Variants in JPH3 observed in about 807,000 individuals in gnomAD.
The protein encoded by JPH3 is junctophilin-3.
In JPH3, 11 loss-of-function variants were observed where a neutral mutation model predicts 59.6. The ratio of observed to expected loss-of-function variants is 0.18; its 90% confidence interval spans 0.12 to 0.31. The LOEUF is 0.31. JPH3 is among the 10% of genes least tolerant of loss of function. The probability of loss-of-function intolerance (pLI) is 1.00; values close to 1 mark genes in which losing one functional copy is unlikely to be tolerated. For missense variants in JPH3, 1,202 were observed against 1,105.7 expected, an observed-to-expected ratio of 1.09 and a Z score of -1.24; for synonymous variants, 673 against 483.6, an observed-to-expected ratio of 1.39 and a Z score of -5.14.
At chr16:87,642,280 G>T (rs971354058) in intron 1 of JPH3, among the ~76,000 whole-genome samples, 1 of 152,004 alleles carries the variant, frequency 6.6e-6, no homozygotes, top group East Asian at 1.9e-4. Flanking sequence ...GGGCTGCTTC[G>T]CTCCGAGAGA....
At chr16:87,681,722 C>T (rs1445858483) in intron 2 of JPH3, among the ~76,000 whole-genome samples, 3 of 152,108 alleles carry the variant, frequency 2.0e-5, no homozygotes, top group Admixed American at 1.3e-4. Context: ...AGGTCAAGTG[C>T]ATGTGGTCAT....
rs764055221 is a variant in JPH3 at position 87,677,185 on chromosome 16, T to TACAC, written c.1161-6919_1161-6916dup. 4.4e-4 allele frequency among the ~76,000 whole-genome samples: 42 copies of TACAC among 95,178 alleles called. 1 individual carries two copies. The highest frequency in any genetic ancestry group is 1.7e-3 in the African/African-American group (36 of 21,184). The allele number at this position is 95,178 out of a possible 152,430, so 62.4% of individuals were successfully genotyped here. ...CACACACACACGCACTATATATATATACACACACACACACACACACACACA... is the reference window on the plus strand; with the variant it reads ...CACACACACACGCACTATATATATATACACACACACACACACACACACACACACA... On this transcript the variant is annotated intron_variant, in intron 2 of 4. Coordinates refer to ENST00000284262, the MANE Select transcript of JPH3 (RefSeq NM_020655.4).
chr16:87,665,237 G>A (rs896485401), intron 2 of JPH3, among the ~76,000 whole-genome samples: 1 of 152,176 alleles, frequency 6.6e-6, no homozygotes, highest in Non-Finnish European at 1.5e-5. Context: ...CCCCTGAGCC[G>A]ATTGGCTGCC....
chr16:87,685,528 C>A (rs759118864), intron 3 of JPH3, among the ~76,000 whole-genome samples: 8 of 152,250 alleles, frequency 5.3e-5, no homozygotes, highest in Non-Finnish European at 8.8e-5. Flanking sequence ...GGGGCGCACA[C>A]TTGGGGGCAC....
intron 1 of JPH3, among the ~76,000 whole-genome samples, chr16:87,629,745 A>G (rs973574987): frequency 2.0e-5 from 3 of 152,162 alleles, no homozygotes; most frequent in African/African-American, 7.2e-5. Context: ...TACTACTCTG[A>G]GATACTCTAA....
chr16:87,671,653 C>T (rs1044303416), intron 2 of JPH3, among the ~76,000 whole-genome samples: 1 of 106,142 alleles, frequency 9.4e-6, no homozygotes, highest in Non-Finnish European at 2.1e-5. Flanking sequence ...AGGCCACCTG[C>T]ACCGGCTCAG....
chr16:87,682,747 G>A (rs1244575790), intron 2 of JPH3, among the ~76,000 whole-genome samples: 1 of 152,232 alleles, frequency 6.6e-6, no homozygotes, highest in Admixed American at 6.5e-5. Context: ...CAGGGAGTCT[G>A]CTCGGAGGGG....
In JPH3 at chr16:87,663,115, C is replaced by CTTTTT. The variant is rs60196379; in HGVS notation, c.1160+18087_1160+18091dup. ...GTATTGTTTCAAGGTTAATTTCTTT[C>CTTTTT]TTTTTTTTTTTGAGATGGAGTCGCG... On this transcript the variant is annotated intron_variant, in intron 2 of 4. Coordinates refer to ENST00000284262, the MANE Select transcript of JPH3 (RefSeq NM_020655.4). Among the ~76,000 whole-genome samples the CTTTTT allele has an allele frequency of 4.0e-3, 567 of 143,464 alleles. 11 individuals are homozygous for CTTTTT. Among genetic ancestry groups the CTTTTT allele is most frequent in the African/African-American group, 0.013 (486 of 37,860 alleles). The allele number at this position is 143,464 out of a possible 152,430, so 94.1% of individuals were successfully genotyped here.
intron 4 of JPH3, among the ~76,000 whole-genome samples, chr16:87,692,196 T>G (rs1179570340): frequency 6.6e-6 from 1 of 151,964 alleles, no homozygotes; most frequent in Non-Finnish European, 1.5e-5. Context: ...GCAAACAAGG[T>G]TTCCCTCCCT....
chr16:87,656,875 C>G (rs1327730571), intron 2 of JPH3, among the ~76,000 whole-genome samples: 1 of 152,146 alleles, frequency 6.6e-6, no homozygotes, highest in Admixed American at 6.5e-5. Context: ...CTGTGGTGTT[C>G]CGACAGGGGA....
At chr16:87,653,965 G>C (rs2032409361) in intron 2 of JPH3, 1 of 152,268 alleles carries the variant, frequency 6.6e-6, no homozygotes. Context: ...CATCTCTGCA[G>C]GCAACAGAAT....
At chr16:87,631,839 A>G (rs138095794) in intron 1 of JPH3, among the ~76,000 whole-genome samples, 71 of 152,108 alleles carry the variant, frequency 4.7e-4, no homozygotes, top group African/African-American at 1.7e-3. Context: ...TCTTTTAGCT[A>G]TTATACTTTT....
chr16:87,623,180 C>T (rs1260205178), intron 1 of JPH3, among the ~76,000 whole-genome samples: 2 of 152,244 alleles, frequency 1.3e-5, no homozygotes, highest in Non-Finnish European at 2.9e-5. Context: ...TCCTGGTCTC[C>T]TGGGAGCTGT....
intron 2 of JPH3, among the ~76,000 whole-genome samples, chr16:87,656,079 G>C (rs1419056964): frequency 6.6e-6 from 1 of 152,218 alleles, no homozygotes; most frequent in Non-Finnish European, 1.5e-5. Flanking sequence ...TAACCGATCG[G>C]GGTGCATGGC....
chr16:87,640,684 C>G (rs904977916), intron 1 of JPH3, among the ~76,000 whole-genome samples: 3 of 152,198 alleles, frequency 2.0e-5, no homozygotes, highest in Non-Finnish European at 4.4e-5. Context: ...TGAGCCACCC[C>G]ACCCAGCCAA....
chr16:87,697,026 C>G lies in JPH3; in HGVS notation c.*366C>G. The G allele has an allele frequency of 3.4e-6, 1 of 297,724 alleles. No homozygotes were observed. The highest frequency in any genetic ancestry group is 6.5e-6 in the Non-Finnish European group (1 of 152,954). 18.4% of individuals were successfully genotyped at this position (297,724 alleles called of 1,614,324 possible). A position where few individuals can be genotyped will look rare whatever the true frequency, so the allele number is the denominator to read the frequency against. ...TCTTGGGTGTGGATGGAGGGCAGCCCGGGGCAGAGCCTCAGCCCCGCGGCC... is the reference window on the plus strand; with the variant it reads ...TCTTGGGTGTGGATGGAGGGCAGCCGGGGGCAGAGCCTCAGCCCCGCGGCC... On this transcript the variant is annotated 3_prime_UTR_variant, in exon 5 of 5. Transcript: ENST00000284262.
chr16:87,611,198 A>G lies in JPH3; in HGVS notation c.382+7670A>G, dbSNP rs1215399327. Among the ~76,000 whole-genome samples the G allele has an allele frequency of 6.6e-6, 1 of 152,254 alleles. No homozygotes were observed. Among genetic ancestry groups the G allele is most frequent in the East Asian group, 1.9e-4 (1 of 5,200 alleles). On this transcript the variant is annotated intron_variant, in intron 1 of 4. Coordinates refer to ENST00000284262, the MANE Select transcript of JPH3 (RefSeq NM_020655.4). The surrounding 1 kb of genome is among the most constrained non-coding windows in gnomAD (Gnocchi z 4.5). ...GGAAGAATAAGGAGTCTGAACAGGG[A>G]TGCAAAACCGAGATATATGGAATAA...
chr16:87,619,633 G>A (rs1034386617), intron 1 of JPH3, among the ~76,000 whole-genome samples: 16 of 152,158 alleles, frequency 1.1e-4, no homozygotes, highest in African/African-American at 3.1e-4. Flanking sequence ...TACCAGCTCC[G>A]GTCCTCGGAC....
Position 87,690,271 on chromosome 16 carries a change from G to A in JPH3, c.1911G>A (p.Arg637=), listed in dbSNP as rs556010482. The change falls in exon 4 of 5, where the codon CGG becomes CGA. Residue 637 remains arginine (R), a synonymous_variant. Transcript: ENST00000284262. ...KRRYSKGGAC[R]GLGDDHRPED... ...GCTACAGCAAGGGCGGCGCCTGCCG[G>A]GGCTTGGGGGACGACCACCGCCCCG... is the stretch of plus-strand genomic sequence containing the variant. 1.9e-5 allele frequency: 30 copies of A among 1,602,092 alleles called. No homozygotes were observed. The South Asian group carries it at 3.2e-4, about 17-fold the overall frequency.
Sources: allele counts gnomAD v4.1 joint callset (sites outside exome capture counted in the v4.1 genomes callset), GRCh38; gene constraint gnomAD v4.1.1; non-coding constraint Gnocchi (gnomAD v3.1); transcripts MANE v1.5; gene names NCBI Gene and HGNC (gene_info 2026-07-23, HGNC 2026-07-21).